The following SH3GL3 variants were observed in gnomAD, a reference collection of about 807,000 sequenced individuals.
SH3GL3 encodes the protein endophilin-A3.
In SH3GL3, 33 loss-of-function variants were observed where a neutral mutation model predicts 47.7. The ratio of observed to expected loss-of-function variants is 0.69; its 90% CI spans 0.52 to 0.92. The LOEUF is 0.92. SH3GL3 is among the 40% of genes least tolerant of loss of function. The probability of loss-of-function intolerance (pLI) is 0.00; values close to 1 mark genes in which losing one functional copy is unlikely to be tolerated. For synonymous variants in SH3GL3, 155 were observed against 148.8 expected, an observed-to-expected ratio of 1.04 and a Z score of -0.30; for missense variants, 363 against 417.8, an observed-to-expected ratio of 0.87 and a Z score of 1.14.
chr15:83,469,716 T>A (rs2040742280), intron 1 of SH3GL3, among the ~76,000 whole-genome samples: 1 of 152,216 alleles, frequency 6.6e-6, no homozygotes, highest in Admixed American at 6.5e-5. Context: ...TTGAGGTTTA[T>A]CTGATGGCTC....
intron 8 of SH3GL3, among the ~76,000 whole-genome samples, chr15:83,598,042 G>T (rs906866059): frequency 7.2e-5 from 11 of 152,312 alleles, no homozygotes; most frequent in African/African-American, 2.6e-4. Flanking sequence ...TTTTATTTGA[G>T]AGTGCTTATG....
Position 83,447,450 on chromosome 15 carries a change from C to T in SH3GL3, c.-84C>T, listed in dbSNP as rs971344749. 3.3e-6 allele frequency: 4 copies of T among 1,227,156 alleles called. No homozygotes were observed. Among genetic ancestry groups the T allele is most frequent in the African/African-American group, 3.2e-5 (2 of 62,898 alleles). The allele number at this position is 1,227,156 out of a possible 1,614,324, so 76.0% of individuals were successfully genotyped here. A position where few individuals can be genotyped will look rare whatever the true frequency, so the allele number is the denominator to read the frequency against. On this transcript the variant is annotated 5_prime_UTR_variant, in exon 1 of 9. Transcript: ENST00000427482. The surrounding 1 kb of genome is among the most constrained non-coding windows in gnomAD (Gnocchi z 5.1). ...GAGCCCAGCCGCGGGGGGACCGGCC[C>T]GGGCTCCCGCTCCCCGAGCGCGTCG...
chr15:83,571,844 G>T (rs1056460805), intron 4 of SH3GL3, among the ~76,000 whole-genome samples: 7 of 152,264 alleles, frequency 4.6e-5, no homozygotes, highest in South Asian at 4.2e-4. Flanking sequence ...AACCCTCATT[G>T]TACAGAGAAC....
chr15:83,520,405 A>G (rs1003841232), intron 1 of SH3GL3, among the ~76,000 whole-genome samples: 12 of 152,340 alleles, frequency 7.9e-5, no homozygotes, highest in African/African-American at 2.4e-4. Flanking sequence ...GTCTCCCCTA[A>G]GGTGTAATCC....
chr15:83,516,552 C>T (rs1441337376), intron 1 of SH3GL3, among the ~76,000 whole-genome samples: 1 of 152,014 alleles, frequency 6.6e-6, no homozygotes, highest in Non-Finnish European at 1.5e-5. Flanking sequence ...AGGGAGGCTT[C>T]GGGAAGATAA....
intron 2 of SH3GL3, among the ~76,000 whole-genome samples, chr15:83,561,347 A>C (rs576869456): frequency 6.6e-6 from 1 of 151,532 alleles, no homozygotes; most frequent in South Asian, 2.1e-4. Flanking sequence ...ATATGTAAAA[A>C]TAATTCTTAG....
At chr15:83,583,109 C>T (rs2059872872) in intron 6 of SH3GL3, among the ~76,000 whole-genome samples, 1 of 152,196 alleles carries the variant, frequency 6.6e-6, no homozygotes, top group Admixed American at 6.5e-5. Flanking sequence ...GGGAAATGTG[C>T]CTTTTCAGTT....
the SH3GL3 span, among the ~76,000 whole-genome samples, chr15:83,627,173 G>A: frequency 3.3e-5 from 5 of 152,064 alleles, no homozygotes; most frequent in Non-Finnish European, 7.4e-5. Flanking sequence ...CGAGGCGGGC[G>A]GATCACGAGG....
In SH3GL3 at chr15:83,608,239, C is replaced by A. The variant is rs138794195; in HGVS notation, c.839-9843C>A. Among the ~76,000 whole-genome samples, 371 of 152,242 alleles carry A rather than the reference C, an allele frequency of 2.4e-3. 5 individuals are homozygous for A. The highest frequency in any genetic ancestry group is 8.5e-3 in the African/African-American group (355 of 41,554). ...AGGGCTGTTATTTCTAGAAAGACAGCAGTTCATTGACTTTTACTAGATTTT... is the reference window on the plus strand; with the variant it reads ...AGGGCTGTTATTTCTAGAAAGACAGAAGTTCATTGACTTTTACTAGATTTT... On this transcript the variant is annotated intron_variant, in intron 8 of 8. Coordinates refer to ENST00000427482, the MANE Select transcript of SH3GL3 (RefSeq NM_003027.5).
At chr15:83,483,341 T>C (rs1189736210) in intron 1 of SH3GL3, among the ~76,000 whole-genome samples, 1 of 152,218 alleles carries the variant, frequency 6.6e-6, no homozygotes, top group African/African-American at 2.4e-5. Flanking sequence ...CTGAGCTGCC[T>C]GGTATGATAG....
the SH3GL3 span, among the ~76,000 whole-genome samples, chr15:83,630,257 T>C: frequency 0.42 from 63,761 of 151,956 alleles, 13,711 homozygotes; most frequent in South Asian, 0.65. Context: ...GAGAATGGAC[T>C]AATACAATAG....
In SH3GL3 at chr15:83,587,066, G is replaced by T; in HGVS notation, c.708G>T (p.Leu236=). The change falls in exon 7 of 9, where the codon CTG becomes CTT. Residue 236 remains leucine (L), a synonymous_variant. Coordinates refer to ENST00000427482, the MANE Select transcript of SH3GL3 (RefSeq NM_003027.5). ...AGTCCACAGAGATTCTGCAGGAGCTGCAGAGCAAGCTACAGATGCGGTAAG... is the reference window on the plus strand; with the variant it reads ...AGTCCACAGAGATTCTGCAGGAGCTTCAGAGCAAGCTACAGATGCGGTAAG... ...HRQSTEILQE[L]QSKLQMRISA... 1 of 1,603,648 alleles carries T rather than the reference G, an allele frequency of 6.2e-7. No homozygotes were observed.
chr15:83,487,868 TTTTTCTTTTC>T (rs932431539), intron 1 of SH3GL3, among the ~76,000 whole-genome samples: 4 of 148,766 alleles, frequency 2.7e-5, no homozygotes, highest in African/African-American at 9.7e-5. Flanking sequence ...TTTTCTTTTC[TTTTTCTTTTC>T]TTTTTTTTTT....
chr15:83,494,299 G>C (rs1012832065), intron 1 of SH3GL3, among the ~76,000 whole-genome samples: 1 of 152,216 alleles, frequency 6.6e-6, no homozygotes, highest in African/African-American at 2.4e-5. Context: ...AACAGGTTGG[G>C]TGAGGGTGGC....
At chr15:83,592,690 T>G (rs551787707) in intron 8 of SH3GL3, among the ~76,000 whole-genome samples, 10 of 152,330 alleles carry the variant, frequency 6.6e-5, no homozygotes, top group Admixed American at 4.6e-4. Flanking sequence ...GAGGAATCTT[T>G]TAAAAGTTCT....
chr15:83,615,676 G>A (rs929836422), intron 8 of SH3GL3, among the ~76,000 whole-genome samples: 2 of 152,232 alleles, frequency 1.3e-5, no homozygotes, highest in Admixed American at 1.3e-4. Flanking sequence ...AAATGAGTCA[G>A]TGGGACAAAA....
intron 1 of SH3GL3, among the ~76,000 whole-genome samples, chr15:83,489,771 A>G (rs1455524977): frequency 2.0e-5 from 3 of 152,106 alleles, no homozygotes; most frequent in Non-Finnish European, 2.9e-5. Context: ...TTTAGGGAAT[A>G]GAGAACAGCC....
At chr15:83,628,145 C>T in the SH3GL3 span, among the ~76,000 whole-genome samples, 1 of 152,136 alleles carries the variant, frequency 6.6e-6, no homozygotes, top group South Asian at 2.1e-4. Flanking sequence ...GATACACATG[C>T]CCAGTTTCTA....
At chr15:83,615,216 T>C (rs1268720515) in intron 8 of SH3GL3, among the ~76,000 whole-genome samples, 1 of 152,202 alleles carries the variant, frequency 6.6e-6, no homozygotes, top group African/African-American at 2.4e-5. Context: ...ATATTAATAC[T>C]GAAATATACC....
Sources: allele counts gnomAD v4.1 joint callset (sites outside exome capture counted in the v4.1 genomes callset), GRCh38; gene constraint gnomAD v4.1.1; non-coding constraint Gnocchi (gnomAD v3.1); transcripts MANE v1.5; gene names NCBI Gene and HGNC (gene_info 2026-07-23, HGNC 2026-07-21).